HNRNPUL1: variants seen among roughly 807,000 people sequenced by gnomAD.
HNRNPUL1 encodes the protein heterogeneous nuclear ribonucleoprotein U like 1.
Under a neutral mutation model 108.5 loss-of-function variants are expected in HNRNPUL1, and 14 were observed. The ratio of observed to expected loss-of-function variants is 0.13; its 90% CI spans 0.09 to 0.20. The LOEUF (loss-of-function observed/expected upper bound fraction) is 0.20, where lower values mean the gene tolerates loss of function less well. HNRNPUL1 is among the 10% of genes least tolerant of loss of function. HNRNPUL1 has a pLI of 1.00. For synonymous variants in HNRNPUL1, 422 were observed against 445.2 expected, an observed-to-expected ratio of 0.95 and a Z score of 0.66; for missense variants, 804 against 1,168.3, an observed-to-expected ratio of 0.69 and a Z score of 4.55.
chr19:41,300,318 T>C (rs1376463626), intron 10 of HNRNPUL1, among the ~76,000 whole-genome samples: 1 of 143,944 alleles, frequency 6.9e-6, no homozygotes, highest in Admixed American at 6.8e-5. Context: ...ATCTTCAGAA[T>C]ACATTTTTTT....
chr19:41,286,632 G>A (rs1027762976), intron 7 of HNRNPUL1: 1 of 151,884 alleles, frequency 6.6e-6, no homozygotes, highest in South Asian at 2.1e-4. Context: ...GCCCAGAACT[G>A]GGCTCAAGCC....
chr19:41,278,528 T>C (rs2035712000), intron 5 of HNRNPUL1: 1 of 152,710 alleles, frequency 6.5e-6, no homozygotes, highest in Non-Finnish European at 1.5e-5. Flanking sequence ...CAGTCACACA[T>C]ACGTAGACAT....
chr19:41,304,170 C>T lies in HNRNPUL1; in HGVS notation c.2171C>T (p.Pro724Leu). 1.2e-6 allele frequency: 2 copies of T among 1,614,216 alleles called. No homozygotes were observed. The highest frequency in any genetic ancestry group is 2.2e-5 in the East Asian group (1 of 44,882). The change falls in exon 13 of 15, where the codon CCA becomes CTA. Residue 724 changes from proline to leucine, a missense_variant. Around this residue, in one of 4 missense-constraint regions of HNRNPUL1, gnomAD observed 294 missense variants for 388.3 expected, o/e 0.76. Coordinates refer to ENST00000392006, the MANE Select transcript of HNRNPUL1 (RefSeq NM_007040.6). Reference sequence around the variant, plus strand: ...AGCTACAGCCCTGCTCGGAACCCCCCAGGGGCCAGCACCTACAATAAGAAC... The same window carrying T: ...AGCTACAGCCCTGCTCGGAACCCCCTAGGGGCCAGCACCTACAATAAGAAC... ...PPSYSPARNP[P>L]GASTYNKNSN... is the part of the protein sequence containing the mutation.
Position 41,264,680 on chromosome 19 carries a change from C to G in HNRNPUL1, c.177C>G (p.His59Gln). Residue 59 changes from histidine (H) to glutamine (Q), a missense_variant, in exon 1 of 15, where the codon CAC (histidine) becomes CAG (glutamine). Physicochemically the swap from His to Gln is conservative, Grantham distance 24. This residue lies in a region of HNRNPUL1 where 256 missense variants were observed against 261.6 expected (regional missense o/e 0.98). Coordinates refer to ENST00000392006, the MANE Select transcript of HNRNPUL1 (RefSeq NM_007040.6). ...ACGACGAACCGGGGCGACCCGGGCA[C>G]ATCAACGAGGAGGTCGAGACCGAGG... is the stretch of plus-strand genomic sequence containing the variant. Reference protein sequence around the residue: ...DADDEPGRPGHINEEVETEGG... With the variant: ...DADDEPGRPGQINEEVETEGG... The G allele has an allele frequency of 6.3e-7, 1 of 1,575,894 alleles. No individual in the cohort carries two copies. Among genetic ancestry groups the G allele is most frequent in the South Asian group, 1.1e-5 (1 of 88,824 alleles).
chr19:41,265,122 G>GAA, intron 1 of HNRNPUL1: 2 of 1,422,666 alleles, frequency 1.4e-6, no homozygotes, highest in Non-Finnish European at 1.8e-6. Flanking sequence ...AGAACAAGAG[G>GAA]TTTTCCGTTT....
Position 41,264,403 on chromosome 19 carries a change from C to CT in HNRNPUL1, c.-101_-100insT. On this transcript the variant is annotated 5_prime_UTR_variant, in exon 1 of 15. Transcript: ENST00000392006. Reference sequence around the variant, plus strand: ...AGCCGCTGCCGCCATTGGAGTGGGCCCCCCCCCTTTCCCCCTTCGCCTCCT... The same window carrying CT: ...AGCCGCTGCCGCCATTGGAGTGGGCCTCCCCCCCTTTCCCCCTTCGCCTCCT... 9.6e-7 allele frequency: 1 copy of CT among 1,046,492 alleles called. No individual in the cohort carries two copies. The highest frequency in any genetic ancestry group is 1.2e-6 in the Non-Finnish European group (1 of 802,928). 64.8% of individuals were successfully genotyped at this position (1,046,492 alleles called of 1,614,324 possible).
intron 7 of HNRNPUL1, among the ~76,000 whole-genome samples, chr19:41,284,061 C>T (rs553807977): frequency 3.3e-5 from 5 of 152,132 alleles, no homozygotes; most frequent in South Asian, 2.1e-4. Context: ...AAAGTGATCT[C>T]GCAATTCTTG....
At position 41,302,717 on chromosome 19, in the gene HNRNPUL1, T is replaced by G. The variant is rs2037301383; in HGVS notation, c.1740T>G (p.Ile580Met). Reference sequence around the variant, plus strand: ...ACTTCCTGGATGAGGTTCTGTTCATTGAGCTGCAGCGGGAGGAAGCGGACA... The same window carrying G: ...ACTTCCTGGATGAGGTTCTGTTCATGGAGCTGCAGCGGGAGGAAGCGGACA... ...VGDFLDEVLF[I>M]ELQREEADKL... Residue 580 changes from isoleucine (I) to methionine (M), a missense_variant, in exon 12 of 15, where the codon ATT (isoleucine) becomes ATG (methionine). Ile to Met is a conservative substitution (Grantham distance 10). Coordinates refer to ENST00000392006, the MANE Select transcript of HNRNPUL1 (RefSeq NM_007040.6). 9.3e-6 allele frequency: 15 copies of G among 1,614,176 alleles called. No homozygotes were observed. The highest frequency in any genetic ancestry group is 1.3e-5 in the Non-Finnish European group (15 of 1,180,028).
chr19:41,306,361 C>A, intron 14 of HNRNPUL1, 88 bp from the exon 15 acceptor site: 1 of 821,726 alleles, frequency 1.2e-6, no homozygotes, highest in Non-Finnish European at 1.9e-6. Flanking sequence ...CTGCAGCTGT[C>A]TCTGCCCTAG....
At chr19:41,295,503 G>A (rs544623085) in intron 10 of HNRNPUL1, among the ~76,000 whole-genome samples, 114 of 152,300 alleles carry the variant, frequency 7.5e-4, no homozygotes, top group African/African-American at 2.6e-3. Flanking sequence ...CCTATGCAAC[G>A]TCATTGCCTA....
rs551340411 is a variant in HNRNPUL1, at chr19:41,306,625, C to G, written c.*60C>G. On this transcript the variant is annotated 3_prime_UTR_variant, in exon 15 of 15. Coordinates refer to ENST00000392006, the MANE Select transcript of HNRNPUL1 (RefSeq NM_007040.6). ...CGGCTTCCTCCACCAGCGCCTGCCTCGGCCCCTCCTCTGCCCCCGCCAGAT... is the reference window on the plus strand; with the variant it reads ...CGGCTTCCTCCACCAGCGCCTGCCTGGGCCCCTCCTCTGCCCCCGCCAGAT... The G allele has an allele frequency of 9.1e-7, 1 of 1,104,202 alleles. No individual in the cohort carries two copies. Among genetic ancestry groups the G allele is most frequent in the Non-Finnish European group, 1.3e-6 (1 of 790,744 alleles). 68.4% of individuals were successfully genotyped at this position (1,104,202 alleles called of 1,614,324 possible).
At chr19:41,298,396 G>A (rs1346366959) in intron 10 of HNRNPUL1, 3 of 152,268 alleles carry the variant, frequency 2.0e-5, no homozygotes, top group African/African-American at 7.2e-5. Context: ...AGCTGGAAAA[G>A]CTGACCTAGC....
At chr19:41,283,592 A>T (rs1320519134) in intron 7 of HNRNPUL1, among the ~76,000 whole-genome samples, 1 of 152,156 alleles carries the variant, frequency 6.6e-6, no homozygotes, top group Non-Finnish European at 1.5e-5. Flanking sequence ...AGTAGCTGGG[A>T]TTACAGGTGC....
chr19:41,293,306 T>A (rs1179516790), intron 8 of HNRNPUL1, among the ~76,000 whole-genome samples: 1 of 152,230 alleles, frequency 6.6e-6, no homozygotes, highest in Non-Finnish European at 1.5e-5. Context: ...TAAGTGCCTG[T>A]TTTATGCTCA....
At chr19:41,290,201 A>G (rs78947922) in intron 7 of HNRNPUL1, among the ~76,000 whole-genome samples, 7 of 152,160 alleles carry the variant, frequency 4.6e-5, no homozygotes, top group Non-Finnish European at 8.8e-5. Flanking sequence ...ATACTTTCAT[A>G]TCAGAAAGCG....
chr19:41,265,289 A>G, intron 1 of HNRNPUL1: 2 of 1,515,912 alleles, frequency 1.3e-6, no homozygotes, highest in Non-Finnish European at 1.8e-6. Context: ...AGTTCTGAGG[A>G]AGGAGGATCC....
At chr19:41,286,826 T>TCCTGCC (rs2036260958) in intron 7 of HNRNPUL1, 1 of 151,624 alleles carries the variant, frequency 6.6e-6, no homozygotes, top group South Asian at 2.1e-4. Flanking sequence ...CAAACGATTT[T>TCCTGCC]CCTGCCTCTG....
Position 41,305,783 on chromosome 19 carries a change from C to A in HNRNPUL1, c.2370C>A (p.Gly790=). 1 of 1,613,668 alleles carries A rather than the reference C, an allele frequency of 6.2e-7. No individual in the cohort carries two copies. Among genetic ancestry groups the A allele is most frequent in the Non-Finnish European group, 8.5e-7 (1 of 1,179,678 alleles). The part of the protein sequence containing the change: ...PPPAYNYGSY[G]GYNPAPYTPP... ...CTGCCTACAACTATGGGAGCTACGG[C>A]GGTTACAACCCGGCCCCCTATACCC... Residue 790 remains glycine, a synonymous_variant, in exon 14 of 15, where the codon GGC becomes GGA. Coordinates refer to ENST00000392006, the MANE Select transcript of HNRNPUL1 (RefSeq NM_007040.6).
At chr19:41,281,337 C>T (rs1027545124) in intron 7 of HNRNPUL1, 62 bp downstream of exon 7, 2 of 1,065,392 alleles carry the variant, frequency 1.9e-6, no homozygotes, top group Non-Finnish European at 2.9e-6. Flanking sequence ...ACTTCTTTTT[C>T]AGGATACCTC....
Sources: gnomAD v4.1 joint callset for allele counts (sites outside exome capture counted in the v4.1 genomes callset) on GRCh38, gnomAD v4.1.1 for gene constraint, gnomAD v4.1.1 regional missense constraint, MANE v1.5 for transcripts, NCBI Gene and HGNC (gene_info 2026-07-23, HGNC 2026-07-21) for gene names.